CRYBB1: variants seen among roughly 807,000 people sequenced by gnomAD.
CRYBB1 encodes the protein crystallin beta B1.
In CRYBB1, 16 loss-of-function variants were observed where a neutral mutation model predicts 29.5. That is an observed-to-expected ratio of 0.54 (90% CI 0.37 to 0.82). CRYBB1 has a LOEUF of 0.82. Among genes scored for constraint, CRYBB1 ranks in the 40% least tolerant of loss-of-function variants. The pLI is 0.00. For synonymous variants in CRYBB1, 127 were observed against 136.7 expected (o/e 0.93, Z 0.49); for missense variants, 300 against 350.5 (o/e 0.86, Z 1.15).
At chr22:26,611,804 C>G (rs1051444737) in intron 3 of CRYBB1, among the ~76,000 whole-genome samples, 1 of 152,102 alleles carries the variant, frequency 6.6e-6, no homozygotes, top group Non-Finnish European at 1.5e-5. Context: ...GTAGAAGCAG[C>G]ATTTCTCCAG....
In CRYBB1 at chr22:26,616,291, G is replaced by C. The variant is rs776964678; in HGVS notation, c.29C>G (p.Ser10Trp). MSQAAKASA[S>W]ATVAVNPGPD... ...CCCTGGGTTCACCGCCACTGTGGCC[G>C]AGGCCGAGGCCTTTGCAGCCTGAGA... is the stretch of plus-strand genomic sequence containing the variant. Residue 10 changes from serine (S) to tryptophan (W), a missense_variant, in exon 2 of 6, where the codon TCG (serine) becomes TGG (tryptophan). Physicochemically the swap from Ser to Trp is radical, Grantham distance 177. Transcript: ENST00000647684. The C allele has an allele frequency of 3.5e-5, 57 of 1,613,894 alleles. 2 individuals carry two copies. The South Asian group carries it at 6.0e-4, about 17-fold the overall frequency.
At chr22:26,617,824 C>T (rs1487925269) in intron 1 of CRYBB1, among the ~76,000 whole-genome samples, 153 bp downstream of exon 1, 1 of 152,112 alleles carries the variant, frequency 6.6e-6, no homozygotes, top group African/African-American at 2.4e-5. Flanking sequence ...CTCTCCCTCT[C>T]CCTCCCTTTC....
intron 4 of CRYBB1, among the ~76,000 whole-genome samples, chr22:26,604,623 A>G (rs908820494): frequency 6.6e-6 from 1 of 152,162 alleles, no homozygotes; most frequent in Non-Finnish European, 1.5e-5. Flanking sequence ...GGTTGAGGGA[A>G]GGCACTGAGG....
In CRYBB1 at chr22:26,612,106, C is replaced by A. The variant is rs755390202; in HGVS notation, c.265G>T (p.Asp89Tyr). 5.6e-6 allele frequency: 9 copies of A among 1,613,782 alleles called. No individual in the cohort carries two copies. The highest frequency in any genetic ancestry group is 6.8e-6 in the Non-Finnish European group (8 of 1,179,960). The change falls in exon 3 of 6, where the codon GAC (aspartate) becomes TAC (tyrosine). Residue 89 changes from aspartate to tyrosine, a missense_variant. Coordinates refer to ENST00000647684, the MANE Select transcript of CRYBB1 (RefSeq NM_001887.4). ...ECSNLADRGF[D>Y]RVRSIIVSAG... is the part of the protein sequence containing the mutation. ...GAGACAATGATGCTGCGCACACGGT[C>A]GAAGCCACGGTCTGCCAGATTTGAG...
Position 26,612,225 on chromosome 22 carries a change from T to A in CRYBB1, c.181-35A>T, listed in dbSNP as rs746716538. 3 of 1,441,142 alleles carry A rather than the reference T, an allele frequency of 2.1e-6. No individual in the cohort carries two copies. The Admixed American group carries it at 5.0e-5, about 24-fold the overall frequency. 89.3% of individuals were successfully genotyped at this position (1,441,142 alleles called of 1,614,324 possible). ...AGAAGCCCCCATGCCAAGGGCAGAG[T>A]GAGGGGGGAGTCAAAAATTCATTAA... On this transcript the variant is annotated intron_variant, in intron 2 of 5. Transcript: ENST00000647684.
In CRYBB1 at chr22:26,599,725, G is replaced by A; in HGVS notation, c.576-52C>T. 2.7e-6 allele frequency: 4 copies of A among 1,473,766 alleles called. No homozygotes were observed. In the South Asian group the frequency reaches 3.4e-5, roughly 13 times the overall value. 91.3% of individuals were successfully genotyped at this position (1,473,766 alleles called of 1,614,324 possible). ...TGGAGACAGCCTGTCTCGTTGCCTG[G>A]CACCCAGACCCCTGCCAGACCAGCC... On this transcript the variant is annotated intron_variant, in intron 5 of 5. Transcript: ENST00000647684.
At chr22:26,612,512 C>T (rs1306136783) in intron 2 of CRYBB1, among the ~76,000 whole-genome samples, 2 of 152,184 alleles carry the variant, frequency 1.3e-5, no homozygotes, top group Non-Finnish European at 2.9e-5. Context: ...CAGGCACCCA[C>T]CACCATGCCT....
chr22:26,599,457 G>A lies in CRYBB1; in HGVS notation c.*33C>T. The A allele has an allele frequency of 6.3e-7, 1 of 1,584,024 alleles. No individual in the cohort carries two copies. Among genetic ancestry groups the A allele is most frequent in the Non-Finnish European group, 8.6e-7 (1 of 1,159,094 alleles). ...GGGGAAATAATTGAACATGAAGAAG[G>A]GTTGGGGCAAGGTAGCAGAGTGAGG... is the stretch of plus-strand genomic sequence containing the variant. On this transcript the variant is annotated 3_prime_UTR_variant, in exon 6 of 6. Transcript: ENST00000647684.
In CRYBB1 at chr22:26,599,292, T is replaced by G; in HGVS notation, c.*198A>C. 1.7e-6 allele frequency: 1 copy of G among 598,378 alleles called. No individual in the cohort carries two copies. Among genetic ancestry groups the G allele is most frequent in the East Asian group, 2.8e-5 (1 of 35,920 alleles). 37.1% of individuals were successfully genotyped at this position (598,378 alleles called of 1,614,324 possible). A position where few individuals can be genotyped will look rare whatever the true frequency, so the allele number is the denominator to read the frequency against. On this transcript the variant is annotated 3_prime_UTR_variant, in exon 6 of 6. Transcript: ENST00000647684. ...CAGGCAGAAAGAACTTTTCAGTGTTTGCTGCTTTTATTATCGTTGTAATTA... is the reference window on the plus strand; with the variant it reads ...CAGGCAGAAAGAACTTTTCAGTGTTGGCTGCTTTTATTATCGTTGTAATTA...
intron 3 of CRYBB1, 142 bp from the exon 4 acceptor site, chr22:26,608,163 T>G (rs1929045181): frequency 8.0e-7 from 1 of 1,250,324 alleles, no homozygotes; most frequent in African/African-American, 1.5e-5. Context: ...CATGTCTGGG[T>G]TTGATTTTAG....
chr22:26,611,371 C>T (rs963271861), intron 3 of CRYBB1, among the ~76,000 whole-genome samples: 3 of 152,186 alleles, frequency 2.0e-5, no homozygotes, highest in African/African-American at 7.2e-5. Flanking sequence ...TACTCCCAGG[C>T]AGCTGGACGC....
At chr22:26,613,939 G>C (rs57276693) in intron 2 of CRYBB1, among the ~76,000 whole-genome samples, 2 of 152,232 alleles carry the variant, frequency 1.3e-5, no homozygotes, top group East Asian at 1.9e-4. Flanking sequence ...CTCTAAACTG[G>C]CCCCCCTGGG....
intron 2 of CRYBB1, among the ~76,000 whole-genome samples, chr22:26,615,439 T>C (rs553826509): frequency 2.0e-5 from 3 of 152,296 alleles, no homozygotes; most frequent in African/African-American, 7.2e-5. Flanking sequence ...TTGCCAGGTG[T>C]CCCTTCAGCT....
Position 26,618,011 on chromosome 22 carries a change from AG to A in CRYBB1, c.-55del, listed in dbSNP as rs978866990. On this transcript the variant is annotated 5_prime_UTR_variant, in exon 1 of 6. Coordinates refer to ENST00000647684, the MANE Select transcript of CRYBB1 (RefSeq NM_001887.4). ...TGCTACTTCCTGCTGGAGGACAGGC[AG>A]GCGGGCAGGTGCTATGGGTGACTAG... The A allele has an allele frequency of 3.3e-5, 5 of 153,374 alleles. No homozygotes were observed. The highest frequency in any genetic ancestry group is 1.2e-4 in the African/African-American group (5 of 41,444). The allele number at this position is 153,374 out of a possible 1,614,324, so 9.5% of individuals were successfully genotyped here. A position where few individuals can be genotyped will look rare whatever the true frequency, so the allele number is the denominator to read the frequency against.
chr22:26,616,545 C>T (rs2145973476), intron 1 of CRYBB1, among the ~76,000 whole-genome samples: 1 of 152,330 alleles, frequency 6.6e-6, no homozygotes, highest in Middle Eastern at 3.4e-3. Context: ...TATATCCTTC[C>T]TCCAGGCTTT....
intron 4 of CRYBB1, among the ~76,000 whole-genome samples, chr22:26,606,765 T>C (rs1928987076): frequency 6.6e-6 from 1 of 152,182 alleles, no homozygotes; most frequent in African/African-American, 2.4e-5. Context: ...TCATGAAAAT[T>C]CTTATAAATG....
chr22:26,613,383 G>GC (rs1202817786), intron 2 of CRYBB1, among the ~76,000 whole-genome samples: 2 of 152,222 alleles, frequency 1.3e-5, no homozygotes, highest in East Asian at 3.8e-4. Flanking sequence ...CTGTATGTGT[G>GC]CCCCGGGATG....
chr22:26,615,216 C>T (rs1047750029), intron 2 of CRYBB1, among the ~76,000 whole-genome samples: 3 of 152,236 alleles, frequency 2.0e-5, no homozygotes, highest in Admixed American at 1.3e-4. Context: ...CCACACCAAA[C>T]CAAATCCCAG....
Position 26,599,610 on chromosome 22 carries a change from G to C in CRYBB1, c.639C>G (p.Phe213Leu). The change falls in exon 6 of 6, where the codon TTC becomes TTG. Residue 213 changes from phenylalanine to leucine, a missense_variant. Coordinates refer to ENST00000647684, the MANE Select transcript of CRYBB1 (RefSeq NM_001887.4). ...GYQYLLEPGD[F>L]RHWNEWGAFQ... is the part of the protein sequence containing the mutation. The stretch of plus-strand genomic sequence containing the variant: ...AGGCTCCCCACTCATTCCAGTGCCG[G>C]AAGTCACCAGGCTCTAGGAGGTACT... 6.2e-7 allele frequency: 1 copy of C among 1,614,210 alleles called. No homozygotes were observed. The highest frequency in any genetic ancestry group is 8.5e-7 in the Non-Finnish European group (1 of 1,180,030).
Sources: gnomAD v4.1 joint callset for allele counts (sites outside exome capture counted in the v4.1 genomes callset) on GRCh38, gnomAD v4.1.1 for gene constraint, MANE v1.5 for transcripts, NCBI Gene and HGNC (gene_info 2026-07-23, HGNC 2026-07-21) for gene names.